The following ZNF142 variants were observed in gnomAD, a reference collection of about 807,000 sequenced individuals.
ZNF142 encodes zinc finger protein 142 (clone pHZ-49).
In ZNF142, 96 loss-of-function variants were observed where a neutral mutation model predicts 132.1. That is an observed-to-expected ratio of 0.73 (90% CI 0.62 to 0.86). ZNF142 has a LOEUF of 0.86. Among genes scored for constraint, ZNF142 ranks in the 40% least tolerant of loss-of-function variants. The probability of loss-of-function intolerance (pLI) is 0.00; values close to 1 mark genes in which losing one functional copy is unlikely to be tolerated. For missense variants in ZNF142, 2,163 were observed against 2,336.2 expected, an observed-to-expected ratio of 0.93 and a Z score of 1.53; for synonymous variants, 842 against 890.1, an observed-to-expected ratio of 0.95 and a Z score of 0.96.
Position 218,651,772 on chromosome 2 carries a change from C to T in ZNF142, c.809G>A (p.Arg270Gln), listed in dbSNP as rs1040939666. 1.0e-5 allele frequency: 13 copies of T among 1,289,758 alleles called. No homozygotes were observed. The highest frequency in any genetic ancestry group is 2.5e-5 in the South Asian group (2 of 81,042). The allele number at this position is 1,289,758 out of a possible 1,614,324, so 79.9% of individuals were successfully genotyped here. Residue 270 changes from arginine (R) to glutamine (Q), a missense_variant, in exon 5 of 11, where the codon CGG becomes CAG. Physicochemically the swap from Arg to Gln is conservative, Grantham distance 43. Around this residue, in one of 7 missense-constraint regions of ZNF142, gnomAD observed 63 missense variants for 104.1 expected, o/e 0.61. Transcript: ENST00000411696. ...SNVKLFRQHQ[R>Q]SHGAGTQGEL... ...TCCCTGTGTCCCAGCACCATGGCTC[C>T]GCTGATGCTGCCGGAAGAGTTTGAC... is the stretch of plus-strand genomic sequence containing the variant.
At position 218,644,373 on chromosome 2, in the gene ZNF142, C is replaced by T. The variant is rs1397034322; in HGVS notation, c.2743G>A (p.Val915Ile). ...ESVTEPPLEE[V>I]TETAPMEFRP... ...AACTCCATAGGGGCTGTTTCAGTGA[C>T]CTCCTCAAGGGGTGGCTCAGTCACA... The change falls in exon 9 of 11, where the codon GTC becomes ATC. Residue 915 changes from valine to isoleucine, a missense_variant. Val to Ile is a conservative substitution (Grantham distance 29). Around this residue, in one of 7 missense-constraint regions of ZNF142, gnomAD observed 749 missense variants for 830.3 expected, o/e 0.90. Transcript: ENST00000411696. This position sits in a 1 kb window ranked among gnomAD's most constrained non-coding sequence, Gnocchi z 4.6. The T allele has an allele frequency of 6.2e-7, 1 of 1,613,806 alleles. No individual in the cohort carries two copies. Among genetic ancestry groups the T allele is most frequent in the Non-Finnish European group, 8.5e-7 (1 of 1,180,004 alleles).
At position 218,649,225 on chromosome 2, in the gene ZNF142, G is replaced by A. The variant is rs542070434; in HGVS notation, c.1283C>T (p.Ala428Val). ...GCGGTTGAGTGCATTCCTCTCCACC[G>A]CACTGTAGTGGCACAGTGGGCAGTG... is the stretch of plus-strand genomic sequence containing the variant. Reference protein sequence around the residue: ...AHHCPLCHYSAVERNALNRHM... With the variant: ...AHHCPLCHYSVVERNALNRHM... Residue 428 changes from alanine (A) to valine (V), a missense_variant, in exon 7 of 11, where the codon GCG (alanine) becomes GTG (valine). Physicochemically the swap from Ala to Val is moderately conservative, Grantham distance 64 (BLOSUM62 0). Coordinates refer to ENST00000411696, the MANE Select transcript of ZNF142 (RefSeq NM_001379659.1). 2.3e-5 allele frequency: 37 copies of A among 1,614,198 alleles called. No homozygotes were observed. Among genetic ancestry groups the A allele is most frequent in the South Asian group, 6.6e-5 (6 of 91,088 alleles).
At position 218,642,074 on chromosome 2, in the gene ZNF142, T is replaced by G; in HGVS notation, c.5042A>C (p.His1681Pro). 1 of 1,614,152 alleles carries G rather than the reference T, an allele frequency of 6.2e-7. No individual in the cohort carries two copies. Among genetic ancestry groups the G allele is most frequent in the East Asian group, 2.2e-5 (1 of 44,880 alleles). ...ACAGGCATAGGGGCAGAGGTGACAG[T>G]GGTAAGGCTTTTCCCCAGTGTGGAT... ...SRIHTGEKPYHCHLCPYACAD... is the reference protein window; with the variant it reads ...SRIHTGEKPYPCHLCPYACAD... The change falls in exon 9 of 11, where the codon CAC (histidine) becomes CCC (proline). Residue 1681 changes from histidine (H) to proline (P), a missense_variant. By Grantham distance (77) the His-to-Pro change is moderately conservative. This residue lies in a region of ZNF142 where 325 missense variants were observed against 367.8 expected (regional missense o/e 0.88). Transcript: ENST00000411696. The surrounding 1 kb of genome is among the most constrained non-coding windows in gnomAD (Gnocchi z 4.6).
At position 218,633,551 on chromosome 2, in the gene ZNF142, TTCTC is replaced by T; in HGVS notation, c.*4784_*4787del. On this transcript the variant is annotated 3_prime_UTR_variant, in exon 11 of 11. Coordinates refer to ENST00000411696, the MANE Select transcript of ZNF142 (RefSeq NM_001379659.1). ...TTTAGGTTGGATGGCCATTATCTTCTTCTCTCTCAGACTGCTGAGGGTTCAATTC... is the reference window on the plus strand; with the variant it reads ...TTTAGGTTGGATGGCCATTATCTTCTTCTCAGACTGCTGAGGGTTCAATTC... 6.3e-7 allele frequency: 1 copy of T among 1,577,860 alleles called. No individual in the cohort carries two copies. Among genetic ancestry groups the T allele is most frequent in the Non-Finnish European group, 8.7e-7 (1 of 1,147,472 alleles).
chr2:218,649,506 GA>G (rs1559300054), intron 6 of ZNF142, 47 bp from the exon 7 acceptor site: 4 of 1,475,230 alleles, frequency 2.7e-6, no homozygotes, highest in Non-Finnish European at 3.6e-6. Context: ...TTTTTCTGGG[GA>G]AAGCCAGATA....
In ZNF142 at chr2:218,644,830, A is replaced by G. The variant is rs749921603; in HGVS notation, c.2286T>C (p.His762=). Residue 762 remains histidine, a synonymous_variant, in exon 9 of 11, where the codon CAT becomes CAC. Transcript: ENST00000411696. The surrounding 1 kb of genome is among the most constrained non-coding windows in gnomAD (Gnocchi z 4.6). The part of the protein sequence containing the change: ...QSRHKQAVLS[H]ENCKHTRLRE... ...GGAGGCGGGTATGCTTGCAGTTCTC[A>G]TGGCTCAGCACAGCCTGCTTGTGGC... 7.4e-6 allele frequency: 12 copies of G among 1,614,080 alleles called. No homozygotes were observed. The highest frequency in any genetic ancestry group is 1.6e-4 in the Middle Eastern group (1 of 6,084).
At position 218,638,467 on chromosome 2, in the gene ZNF142, C is replaced by A; in HGVS notation, c.5536G>T (p.Asp1846Tyr). The A allele has an allele frequency of 6.3e-7, 1 of 1,591,762 alleles. No homozygotes were observed. Among genetic ancestry groups the A allele is most frequent in the South Asian group, 1.1e-5 (1 of 88,236 alleles). ...VVKHVRRHHP[D>Y]QADPNQGVGK... is the part of the protein sequence containing the mutation. Reference sequence around the variant, plus strand: ...ACACCCTGGTTTGGGTCGGCTTGGTCAGGGTGGTGCCTGCGTACGTGCTTG... The same window carrying A: ...ACACCCTGGTTTGGGTCGGCTTGGTAAGGGTGGTGCCTGCGTACGTGCTTG... The change falls in exon 11 of 11, where the codon GAC becomes TAC. Residue 1846 changes from aspartate to tyrosine, a missense_variant. By Grantham distance (160) the Asp-to-Tyr change is radical. Transcript: ENST00000411696.
Position 218,640,670 on chromosome 2 carries a change from G to A in ZNF142, c.5188C>T (p.His1730Tyr), listed in dbSNP as rs1697108076. ...CGAAACCACACAGACTCACCTGTAT[G>A]CTTGGTCATGTGGTATTTCAGCTGG... ...VNQLKYHMTKHTGLKPYQCPE... is the reference protein window; with the variant it reads ...VNQLKYHMTKYTGLKPYQCPE... Residue 1730 changes from histidine (H) to tyrosine (Y), a missense_variant, in exon 10 of 11, where the codon CAT becomes TAT. Physicochemically the swap from His to Tyr is moderately conservative, Grantham distance 83. Around this residue, in one of 7 missense-constraint regions of ZNF142, gnomAD observed 325 missense variants for 367.8 expected, o/e 0.88. Coordinates refer to ENST00000411696, the MANE Select transcript of ZNF142 (RefSeq NM_001379659.1). 4 of 1,614,000 alleles carry A rather than the reference G, an allele frequency of 2.5e-6. No individual in the cohort carries two copies. In the South Asian group the frequency reaches 4.4e-5, roughly 18 times the overall value.
In ZNF142 at chr2:218,649,223, C is replaced by A. The variant is rs1194158375; in HGVS notation, c.1285G>T (p.Val429Leu). The change falls in exon 7 of 11, where the codon GTG (valine) becomes TTG (leucine). Residue 429 changes from valine (V) to leucine (L), a missense_variant. Physicochemically the swap from Val to Leu is conservative, Grantham distance 32. Transcript: ENST00000411696. Reference sequence around the variant, plus strand: ...TGGCGGTTGAGTGCATTCCTCTCCACCGCACTGTAGTGGCACAGTGGGCAG... The same window carrying A: ...TGGCGGTTGAGTGCATTCCTCTCCAACGCACTGTAGTGGCACAGTGGGCAG... ...HHCPLCHYSA[V>L]ERNALNRHMA... 1 of 1,614,228 alleles carries A rather than the reference C, an allele frequency of 6.2e-7. No individual in the cohort carries two copies. Among genetic ancestry groups the A allele is most frequent in the East Asian group, 2.2e-5 (1 of 44,874 alleles).
chr2:218,643,479 T>C lies in ZNF142; in HGVS notation c.3637A>G (p.Thr1213Ala). The C allele has an allele frequency of 6.2e-7, 1 of 1,613,916 alleles. No homozygotes were observed. The change falls in exon 9 of 11, where the codon ACA (threonine) becomes GCA (alanine). Residue 1213 changes from threonine to alanine, a missense_variant. Thr to Ala is a moderately conservative substitution (Grantham distance 58). Around this residue, in one of 7 missense-constraint regions of ZNF142, gnomAD observed 809 missense variants for 801.7 expected, o/e 1.01. Transcript: ENST00000411696. ...PVPPAGNSSP[T>A]EALKKHRFEQ... ...AAGCGGTGCTTCTTCAGGGCCTCTGTGGGTGAGGAGTTTCCTGCAGGAGGG... is the reference window on the plus strand; with the variant it reads ...AAGCGGTGCTTCTTCAGGGCCTCTGCGGGTGAGGAGTTTCCTGCAGGAGGG...
intron 10 of ZNF142, among the ~76,000 whole-genome samples, chr2:218,640,061 C>CAAAAAAAAAAAAA (rs35136548): frequency 6.8e-5 from 3 of 44,316 alleles, no homozygotes; most frequent in African/African-American, 2.0e-4. Flanking sequence ...GACTCTGTCT[C>CAAAAAAAAAAAAA]AAAAAAAAAA....
Position 218,649,381 on chromosome 2 carries a change from G to A in ZNF142, c.1127C>T (p.Thr376Ile), listed in dbSNP as rs1394598451. 1 of 1,614,018 alleles carries A rather than the reference G, an allele frequency of 6.2e-7. No individual in the cohort carries two copies. The highest frequency in any genetic ancestry group is 8.5e-7 in the Non-Finnish European group (1 of 1,179,958). Residue 376 changes from threonine to isoleucine, a missense_variant, in exon 7 of 11, where the codon ACT (threonine) becomes ATT (isoleucine). Thr to Ile is a moderately conservative substitution (Grantham distance 89). Around this residue, in one of 7 missense-constraint regions of ZNF142, gnomAD observed 749 missense variants for 830.3 expected, o/e 0.90. Transcript: ENST00000411696. Reference protein sequence around the residue: ...PECKRCFKKRTHLVEHLHLHF... With the variant: ...PECKRCFKKRIHLVEHLHLHF... ...GAGATGCAGGTGCTCCACCAGATGAGTCCGCTTCTTAAAGCAGCGCTTACA... is the reference window on the plus strand; with the variant it reads ...GAGATGCAGGTGCTCCACCAGATGAATCCGCTTCTTAAAGCAGCGCTTACA...
At position 218,642,215 on chromosome 2, in the gene ZNF142, C is replaced by T. The variant is rs773306836; in HGVS notation, c.4901G>A (p.Arg1634His). 7.4e-6 allele frequency: 12 copies of T among 1,614,056 alleles called. No homozygotes were observed. The highest frequency in any genetic ancestry group is 1.6e-4 in the Middle Eastern group (1 of 6,080). Residue 1634 changes from arginine (R) to histidine (H), a missense_variant, in exon 9 of 11, where the codon CGC becomes CAC. Transcript: ENST00000411696. This position sits in a 1 kb window ranked among gnomAD's most constrained non-coding sequence, Gnocchi z 4.6. ...ATGGTGATCTAGTACCAGCTGATGG[C>T]GGCATGTGAAGTCACAAAAGGGGCA... is the stretch of plus-strand genomic sequence containing the variant. ...LHCPFCDFTC[R>H]HQLVLDHHVK...
At position 218,634,599 on chromosome 2, in the gene ZNF142, G is replaced by C. The variant is rs774136192; in HGVS notation, c.*3740C>G. The stretch of plus-strand genomic sequence containing the variant: ...TCTTTCCACCCTGAGAAGCCCATCA[G>C]CCCTTTCAAAGCCCAGACTCTCTTA... On this transcript the variant is annotated 3_prime_UTR_variant, in exon 11 of 11. Coordinates refer to ENST00000411696, the MANE Select transcript of ZNF142 (RefSeq NM_001379659.1). This position sits in a 1 kb window ranked among gnomAD's most constrained non-coding sequence, Gnocchi z 4.0. The C allele has an allele frequency of 4.3e-6, 7 of 1,613,902 alleles. No individual in the cohort carries two copies. The African/African-American group carries it at 9.3e-5, about 22-fold the overall frequency.
At position 218,642,855 on chromosome 2, in the gene ZNF142, G is replaced by A. The variant is rs1475963162; in HGVS notation, c.4261C>T (p.Arg1421Ter). The change falls in exon 9 of 11, where the codon CGA becomes TGA. Residue 1421 changes from arginine (R) to a stop codon, truncating the protein, a stop_gained. Coordinates refer to ENST00000411696, the MANE Select transcript of ZNF142 (RefSeq NM_001379659.1). LOFTEE classifies it high-confidence loss of function. This position sits in a 1 kb window ranked among gnomAD's most constrained non-coding sequence, Gnocchi z 4.6. ...RRYRLEAHQS[R>*]HTGIGRIPCS... ...GGGATGCGGCCAATGCCTGTGTGTC[G>A]GGACTGGTGAGCCTCTAACCGGTAC... 6 of 1,614,178 alleles carry A rather than the reference G, an allele frequency of 3.7e-6. No individual in the cohort carries two copies. Among genetic ancestry groups the A allele is most frequent in the Non-Finnish European group, 5.1e-6 (6 of 1,180,034 alleles).
rs1575050142 is a variant in ZNF142 at position 218,638,174 on chromosome 2, T to C, written c.*165A>G. ...AGTCCATGTCCCTCTTTTATATGGG[T>C]GATAATTTCAAAGTACTATAGCCAG... On this transcript the variant is annotated 3_prime_UTR_variant, in exon 11 of 11. Coordinates refer to ENST00000411696, the MANE Select transcript of ZNF142 (RefSeq NM_001379659.1). 1.9e-6 allele frequency: 1 copy of C among 526,790 alleles called. No individual in the cohort carries two copies. Among genetic ancestry groups the C allele is most frequent in the East Asian group, 3.4e-5 (1 of 29,248 alleles). 32.6% of individuals were successfully genotyped at this position (526,790 alleles called of 1,614,324 possible).
At chr2:218,639,793 T>A (rs6723798) in intron 10 of ZNF142, among the ~76,000 whole-genome samples, 1 of 147,132 alleles carries the variant, frequency 6.8e-6, no homozygotes, top group African/African-American at 2.5e-5. Context: ...TGGTGGCTCA[T>A]GCCTGTAATC....
chr2:218,634,364 C>T lies in ZNF142; in HGVS notation c.*3975G>A, dbSNP rs534436514. On this transcript the variant is annotated 3_prime_UTR_variant, in exon 11 of 11. Coordinates refer to ENST00000411696, the MANE Select transcript of ZNF142 (RefSeq NM_001379659.1). The surrounding 1 kb of genome is among the most constrained non-coding windows in gnomAD (Gnocchi z 4.0). ...ATCAGTGGATATTACCAGCAGGTACCGTGCACCCAGTACCTATCTTCTTAA... is the reference window on the plus strand; with the variant it reads ...ATCAGTGGATATTACCAGCAGGTACTGTGCACCCAGTACCTATCTTCTTAA... The T allele has an allele frequency of 3.8e-4, 595 of 1,556,838 alleles. 2 individuals carry two copies. The highest frequency in any genetic ancestry group is 1.2e-3 in the Middle Eastern group (6 of 4,946).
rs759050060 is a variant in ZNF142 at position 218,643,931 on chromosome 2, C to A, written c.3185G>T (p.Arg1062Leu). 6.2e-6 allele frequency: 10 copies of A among 1,613,960 alleles called. No individual in the cohort carries two copies. Among genetic ancestry groups the A allele is most frequent in the South Asian group, 1.1e-5 (1 of 91,084 alleles). ...NLHSRTGCQG[R>L]REPLLCPECG... ...CTCGGGGCACAGCAGGGGCTCTCGG[C>A]GGCCTTGGCACCCAGTCCTGGAGTG... The change falls in exon 9 of 11, where the codon CGC becomes CTC. Residue 1062 changes from arginine to leucine, a missense_variant. This residue lies in a region of ZNF142 where 809 missense variants were observed against 801.7 expected (regional missense o/e 1.01). Coordinates refer to ENST00000411696, the MANE Select transcript of ZNF142 (RefSeq NM_001379659.1).
Sources: gnomAD v4.1 joint callset for allele counts (sites outside exome capture counted in the v4.1 genomes callset) on GRCh38, gnomAD v4.1.1 for gene constraint, gnomAD v4.1.1 regional missense constraint, Gnocchi (gnomAD v3.1) non-coding constraint, MANE v1.5 for transcripts, NCBI Gene and HGNC (gene_info 2026-07-23, HGNC 2026-07-21) for gene names.